The following TMEM233 variants were observed in gnomAD, a reference collection of about 807,000 sequenced individuals.
TMEM233 encodes transmembrane protein 233, also known as dispanin subfamily B member 2.
A neutral mutation model predicts 11.2 loss-of-function variants in TMEM233; 6 were observed. The observed-to-expected ratio is 0.54, with a 90% CI of 0.29 to 1.06. The LOEUF (loss-of-function observed/expected upper bound fraction) is 1.06, where lower values mean the gene tolerates loss of function less well. Ranked by LOEUF, TMEM233 falls within the 50% of genes least tolerant of loss-of-function variation. The pLI is 0.08. For missense variants in TMEM233, 127 were observed against 144.7 expected, an observed-to-expected ratio of 0.88 and a Z score of 0.63; for synonymous variants, 59 against 55.8, an observed-to-expected ratio of 1.06 and a Z score of -0.26.
chr12:119,652,753 C>A, the TMEM233 span, among the ~76,000 whole-genome samples: 4 of 152,170 alleles, frequency 2.6e-5, no homozygotes, highest in Admixed American at 1.3e-4. Context: ...CAAAACCAAA[C>A]CAAAAAGCTG....
intron 1 of TMEM233, among the ~76,000 whole-genome samples, chr12:119,621,044 CTTTTTT>C (rs3078447): frequency 1.0e-4 from 12 of 120,432 alleles, no homozygotes; most frequent in East Asian, 6.9e-4. Context: ...CCATACCTGG[CTTTTTT>C]TTTTTTTTTT....
downstream of TMEM233, among the ~76,000 whole-genome samples, chr12:119,645,514 C>T (rs778061760): frequency 5.9e-5 from 9 of 152,268 alleles, no homozygotes; most frequent in South Asian, 1.9e-3. Flanking sequence ...ATGACTCAGG[C>T]ATCACCTACA....
intron 2 of TMEM233, among the ~76,000 whole-genome samples, chr12:119,633,379 T>C (rs1266848560): frequency 1.3e-5 from 2 of 152,014 alleles, no homozygotes; most frequent in African/African-American, 4.8e-5. Flanking sequence ...CAGGAGTTCC[T>C]TGACCAGCCT....
At chr12:119,605,447 A>T (rs562578845) in intron 1 of TMEM233, among the ~76,000 whole-genome samples, 7 of 90,138 alleles carry the variant, frequency 7.8e-5, no homozygotes, top group East Asian at 5.0e-4. Flanking sequence ...TTTTTTTTTG[A>T]GACAGGGCCT....
the TMEM233 span, among the ~76,000 whole-genome samples, chr12:119,649,780 G>A: frequency 6.8e-6 from 1 of 147,990 alleles, no homozygotes; most frequent in African/African-American, 2.5e-5. Flanking sequence ...TGGCTCAGCG[G>A]GGCTTGTTCT....
In TMEM233 at chr12:119,594,475, T is replaced by C. The variant is rs905465166; in HGVS notation, c.186+441T>C. On this transcript the variant is annotated intron_variant, in intron 1 of 2. Coordinates refer to ENST00000426426, the MANE Select transcript of TMEM233 (RefSeq NM_001136534.3). The surrounding 1 kb of genome is among the most constrained non-coding windows in gnomAD (Gnocchi z 5.6). ...CGAGCATGCAGGCTCTACGTTCCTT[T>C]CCCTGCCGCTCCGGGGGCTCCTGCT... The C allele has an allele frequency of 6.3e-6, 1 of 159,250 alleles. No homozygotes were observed. Among genetic ancestry groups the C allele is most frequent in the Non-Finnish European group, 1.4e-5 (1 of 72,544 alleles). 9.9% of individuals were successfully genotyped at this position (159,250 alleles called of 1,614,324 possible).
At chr12:119,648,692 T>A in the TMEM233 span, among the ~76,000 whole-genome samples, 1 of 152,228 alleles carries the variant, frequency 6.6e-6, no homozygotes, top group Non-Finnish European at 1.5e-5. Context: ...ACCTCTGTCT[T>A]CCTGGTCCCT....
chr12:119,646,745 C>G (rs1252168560), downstream of TMEM233, among the ~76,000 whole-genome samples: 1 of 152,222 alleles, frequency 6.6e-6, no homozygotes, highest in East Asian at 1.9e-4. Flanking sequence ...GGACCCTTGT[C>G]ATTACTTTGG....
chr12:119,602,857 T>C (rs1237339679), intron 1 of TMEM233, among the ~76,000 whole-genome samples: 3 of 152,184 alleles, frequency 2.0e-5, no homozygotes, highest in Non-Finnish European at 4.4e-5. Context: ...TAAAACAAGA[T>C]TGGCCACTAA....
chr12:119,603,467 G>A, intron 1 of TMEM233, among the ~76,000 whole-genome samples: 1 of 152,180 alleles, frequency 6.6e-6, no homozygotes, highest in East Asian at 1.9e-4. Flanking sequence ...GAATGTCAAT[G>A]ATGACTTTGA....
intron 1 of TMEM233, among the ~76,000 whole-genome samples, chr12:119,617,175 G>C (rs763996917): frequency 1.3e-5 from 2 of 152,176 alleles, no homozygotes; most frequent in Non-Finnish European, 2.9e-5. Context: ...GAAAATGTGG[G>C]AAAGTTTGGA....
chr12:119,604,098 G>A (rs1954218655), intron 1 of TMEM233, among the ~76,000 whole-genome samples: 1 of 152,168 alleles, frequency 6.6e-6, no homozygotes, highest in Non-Finnish European at 1.5e-5. Context: ...GTTCAGGGCA[G>A]GACACTCTTC....
chr12:119,640,575 A>G, intron 2 of TMEM233, 124 bp from the exon 3 acceptor site: 1 of 1,044,846 alleles, frequency 9.6e-7, no homozygotes, highest in South Asian at 1.4e-5. Flanking sequence ...GCAGGCTGGT[A>G]CATTTCAACA....
chr12:119,614,889 T>G (rs1412699768), intron 1 of TMEM233, among the ~76,000 whole-genome samples: 1 of 152,144 alleles, frequency 6.6e-6, no homozygotes, highest in Non-Finnish European at 1.5e-5. Context: ...TTTAATATGA[T>G]GATTCATTAT....
chr12:119,599,749 A>T (rs2136673696), intron 1 of TMEM233, among the ~76,000 whole-genome samples: 1 of 152,204 alleles, frequency 6.6e-6, no homozygotes, highest in East Asian at 1.9e-4. Context: ...GAAGTCGTGG[A>T]ACTGCCAGAG....
rs1954022226 is a variant in TMEM233 at position 119,595,421 on chromosome 12, G to A, written c.186+1387G>A. ...ATATTCGATTCGTGGGCACCTGCAA[G>A]GCTCCATTTGCACCCGTAACTTGCC... is the stretch of plus-strand genomic sequence containing the variant. On this transcript the variant is annotated intron_variant, in intron 1 of 2. Coordinates refer to ENST00000426426, the MANE Select transcript of TMEM233 (RefSeq NM_001136534.3). This position sits in a 1 kb window ranked among gnomAD's most constrained non-coding sequence, Gnocchi z 4.3. Among the ~76,000 whole-genome samples the A allele has an allele frequency of 6.6e-6, 1 of 152,252 alleles. No homozygotes were observed.
chr12:119,613,863 G>A (rs1417377952), intron 1 of TMEM233, among the ~76,000 whole-genome samples: 1 of 152,206 alleles, frequency 6.6e-6, no homozygotes, highest in East Asian at 1.9e-4. Context: ...GTGCCAACAG[G>A]TCAGCCAAGA....
At chr12:119,628,287 G>A (rs1330927553) in intron 1 of TMEM233, among the ~76,000 whole-genome samples, 1 of 151,694 alleles carries the variant, frequency 6.6e-6, no homozygotes, top group Non-Finnish European at 1.5e-5. Context: ...AGCTTCCCGA[G>A]TAGCTGGGAT....
chr12:119,618,191 A>G (rs958862865), intron 1 of TMEM233, among the ~76,000 whole-genome samples: 2 of 152,214 alleles, frequency 1.3e-5, no homozygotes, highest in African/African-American at 2.4e-5. Context: ...GGGTGTGCAG[A>G]AGACAATAAC....
Sources: allele counts gnomAD v4.1 joint callset (sites outside exome capture counted in the v4.1 genomes callset), GRCh38; gene constraint gnomAD v4.1.1; non-coding constraint Gnocchi (gnomAD v3.1); transcripts MANE v1.5; gene names NCBI Gene and HGNC (gene_info 2026-07-23, HGNC 2026-07-21).